The following DNM3 variants were observed in gnomAD, a reference collection of about 807,000 sequenced individuals.
DNM3 encodes dynamin 3, also known as dynamin-3.
In DNM3, 47 loss-of-function variants were observed where a neutral mutation model predicts 101.6. The ratio of observed to expected loss-of-function variants is 0.46; its 90% CI spans 0.37 to 0.59. The LOEUF (loss-of-function observed/expected upper bound fraction) is 0.59. DNM3 is among the 20% of genes least tolerant of loss of function. The probability of loss-of-function intolerance (pLI) is 0.00; values close to 1 mark genes in which losing one functional copy is unlikely to be tolerated. For synonymous variants in DNM3, 385 were observed against 387.9 expected, an observed-to-expected ratio of 0.99 and a Z score of 0.09; for missense variants, 849 against 1,085.7, an observed-to-expected ratio of 0.78 and a Z score of 3.06.
At chr1:172,061,988 C>A (rs1427570027) in intron 10 of DNM3, among the ~76,000 whole-genome samples, 1 of 152,188 alleles carries the variant, frequency 6.6e-6, no homozygotes. Flanking sequence ...GGCTTCGAAT[C>A]AGACTGGTTA....
At chr1:171,975,196 G>A (rs868570689) in intron 2 of DNM3, among the ~76,000 whole-genome samples, 1 of 151,976 alleles carries the variant, frequency 6.6e-6, no homozygotes, top group Non-Finnish European at 1.5e-5. Flanking sequence ...AAATGATTGG[G>A]TTGACTCTAT....
intron 15 of DNM3, among the ~76,000 whole-genome samples, chr1:172,304,668 A>G (rs2064692279): frequency 6.6e-6 from 1 of 152,322 alleles, no homozygotes; most frequent in South Asian, 2.1e-4. Flanking sequence ...AAGAACAGAA[A>G]TCACAACAAA....
intron 17 of DNM3, among the ~76,000 whole-genome samples, chr1:172,348,713 A>G (rs2067062079): frequency 6.6e-6 from 1 of 152,192 alleles, no homozygotes; most frequent in Non-Finnish European, 1.5e-5. Flanking sequence ...TACAAAAGAG[A>G]CAAGGGAATT....
At chr1:172,295,385 A>G (rs2064117723) in intron 15 of DNM3, among the ~76,000 whole-genome samples, 1 of 152,200 alleles carries the variant, frequency 6.6e-6, no homozygotes, top group Non-Finnish European at 1.5e-5. Context: ...AACTGAATAC[A>G]ATTAAAAGAA....
intron 14 of DNM3, among the ~76,000 whole-genome samples, chr1:172,222,173 T>TA (rs979427500): frequency 6.6e-6 from 1 of 152,172 alleles, no homozygotes; most frequent in Non-Finnish European, 1.5e-5. Context: ...AGTGCAGACT[T>TA]GGTCTAAGTG....
intron 2 of DNM3, among the ~76,000 whole-genome samples, chr1:171,930,741 T>C (rs915389278): frequency 6.6e-6 from 1 of 152,176 alleles, no homozygotes; most frequent in African/African-American, 2.4e-5. Context: ...TTTCCTTGAT[T>C]AGTCCCAGTG....
chr1:172,394,355 A>G (rs747298483), intron 20 of DNM3: 1 of 152,248 alleles, frequency 6.6e-6, no homozygotes, highest in South Asian at 2.1e-4. Context: ...GGTAGCCTTC[A>G]GATTGCCTCT....
chr1:172,390,304 T>C (rs999010322), intron 20 of DNM3, among the ~76,000 whole-genome samples: 4 of 152,212 alleles, frequency 2.6e-5, no homozygotes, highest in African/African-American at 9.7e-5. Context: ...TAGGTTGTTA[T>C]CCACATTTTA....
At chr1:172,200,772 C>G (rs1341044329) in intron 14 of DNM3, among the ~76,000 whole-genome samples, 1 of 152,074 alleles carries the variant, frequency 6.6e-6, no homozygotes. Context: ...TTTATACTGG[C>G]TATTTTGTCC....
At chr1:172,342,080 T>C (rs1343058187) in intron 17 of DNM3, among the ~76,000 whole-genome samples, 1 of 152,158 alleles carries the variant, frequency 6.6e-6, no homozygotes, top group Admixed American at 6.6e-5. Flanking sequence ...CCAGTCAGTA[T>C]GGCTACTATT....
intron 1 of DNM3, among the ~76,000 whole-genome samples, chr1:171,887,143 G>C (rs1397119070): frequency 6.6e-6 from 1 of 152,134 alleles, no homozygotes; most frequent in Non-Finnish European, 1.5e-5. Flanking sequence ...ATCTAAAATT[G>C]ATTAGCTTCA....
chr1:172,037,915 A>G (rs2125823098), intron 6 of DNM3, among the ~76,000 whole-genome samples: 1 of 152,350 alleles, frequency 6.6e-6, no homozygotes, highest in African/African-American at 2.4e-5. Flanking sequence ...AACACCGGGT[A>G]GCAGCTGTGA....
At chr1:172,289,217 C>A (rs970382757) in intron 15 of DNM3, among the ~76,000 whole-genome samples, 5 of 152,034 alleles carry the variant, frequency 3.3e-5, no homozygotes, top group Non-Finnish European at 7.4e-5. Context: ...ATAAAAGAAG[C>A]TTACTCTTAA....
intron 1 of DNM3, among the ~76,000 whole-genome samples, chr1:171,890,086 C>T (rs772190457): frequency 4.6e-5 from 7 of 152,056 alleles, no homozygotes; most frequent in African/African-American, 1.2e-4. Flanking sequence ...CAAGTATATC[C>T]GCCTTTATTC....
downstream of DNM3, among the ~76,000 whole-genome samples, chr1:172,414,215 T>C (rs1230612894): frequency 6.6e-6 from 1 of 152,236 alleles, no homozygotes; most frequent in African/African-American, 2.4e-5. Flanking sequence ...ACACCTGGCA[T>C]AGCCACTTTT....
intron 2 of DNM3, among the ~76,000 whole-genome samples, chr1:171,947,237 G>T (rs1159652747): frequency 6.6e-6 from 1 of 152,162 alleles, no homozygotes; most frequent in African/African-American, 2.4e-5. Context: ...ATTTTTGTGA[G>T]TGGGGGTTGG....
At chr1:172,384,127 C>T (rs1240155667) in intron 18 of DNM3, among the ~76,000 whole-genome samples, 1 of 152,092 alleles carries the variant, frequency 6.6e-6, no homozygotes, top group African/African-American at 2.4e-5. Context: ...TCTGGAAACT[C>T]CCGGAAGTCC....
rs182350361 is a variant in DNM3, at chr1:172,023,602, A to G, written c.590-8800A>G. 1.2e-3 allele frequency among the ~76,000 whole-genome samples: 179 copies of G among 152,016 alleles called. 4 individuals carry two copies. In the South Asian group the frequency reaches 0.025, roughly 21 times the overall value. ...TTTTTAGTATCTTTTATCAGTTCCC[A>G]GTATTTTGAAATATTTTACTGATAT... On this transcript the variant is annotated intron_variant, in intron 4 of 20. Transcript: ENST00000627582.
chr1:172,408,917 T>C lies in DNM3; in HGVS notation c.*1076T>C. 1 of 985,354 alleles carries C rather than the reference T, an allele frequency of 1.0e-6. No individual in the cohort carries two copies. Among genetic ancestry groups the C allele is most frequent in the South Asian group, 4.7e-5 (1 of 21,292 alleles). 61.0% of individuals were successfully genotyped at this position (985,354 alleles called of 1,614,324 possible). ...AGAATGGTTCCTGAAATGAAGTCAGTAGAAATGGCATGGGATAAGAGCAGA... is the reference window on the plus strand; with the variant it reads ...AGAATGGTTCCTGAAATGAAGTCAGCAGAAATGGCATGGGATAAGAGCAGA... On this transcript the variant is annotated 3_prime_UTR_variant, in exon 21 of 21. Coordinates refer to ENST00000627582, the MANE Select transcript of DNM3 (RefSeq NM_015569.5).
Sources: gnomAD v4.1 joint callset for allele counts (sites outside exome capture counted in the v4.1 genomes callset) on GRCh38, gnomAD v4.1.1 for gene constraint, MANE v1.5 for transcripts, NCBI Gene and HGNC (gene_info 2026-07-23, HGNC 2026-07-21) for gene names.